Variants in USH1C observed in about 807,000 individuals in gnomAD.
USH1C encodes USH1 protein network component harmonin, also known as harmonin.
In USH1C, 90 loss-of-function variants were observed where a neutral mutation model predicts 119.3. The ratio of observed to expected loss-of-function variants is 0.75; its 90% CI spans 0.64 to 0.90. The LOEUF (loss-of-function observed/expected upper bound fraction) is 0.90, where lower values mean the gene tolerates loss of function less well. Among genes scored for constraint, USH1C ranks in the 40% least tolerant of loss-of-function variants. The probability of loss-of-function intolerance (pLI) is 0.00; values close to 1 mark genes in which losing one functional copy is unlikely to be tolerated. For synonymous variants in USH1C, 465 were observed against 443.3 expected (o/e 1.05, Z -0.62); for missense variants, 1,165 against 1,167.7 (o/e 1.00, Z 0.03).
chr11:17,530,786 C>A (rs1321470320), intron 4 of USH1C, among the ~76,000 whole-genome samples: 1 of 152,202 alleles, frequency 6.6e-6, no homozygotes, highest in African/African-American at 2.4e-5. Context: ...CATCACACTG[C>A]ACCAGGCTTT....
At chr11:17,494,552 A>G (rs1457959755) in intron 26 of USH1C, 176 bp from the exon 27 acceptor site, 1 of 689,084 alleles carries the variant, frequency 1.5e-6, no homozygotes, top group Non-Finnish European at 2.6e-6. Flanking sequence ...CCACAGCCAC[A>G]GCACACAGGA....
At chr11:17,521,062 A>G in intron 13 of USH1C, 68 bp from the exon 14 acceptor site, 1 of 1,603,234 alleles carries the variant, frequency 6.2e-7, no homozygotes, top group Non-Finnish European at 8.5e-7. Flanking sequence ...TGCATATCGG[A>G]GAGCCCCAGC....
At chr11:17,501,028 G>A (rs1489821666) in intron 23 of USH1C, 23 bp downstream of exon 23, 11 of 1,600,100 alleles carry the variant, frequency 6.9e-6, no homozygotes, top group Non-Finnish European at 9.4e-6. Flanking sequence ...CCCCAAACCT[G>A]GGTGTGGCTA....
At chr11:17,512,168 C>G in intron 15 of USH1C, 114 bp from the exon 16 acceptor site, 1 of 1,195,368 alleles carries the variant, frequency 8.4e-7, no homozygotes, top group African/African-American at 1.5e-5. Context: ...AGCCCCTCCC[C>G]CAGCTCTCTC....
rs1309991987 is a variant in USH1C at position 17,501,110 on chromosome 11, G to A, written c.2321C>T (p.Ser774Phe). 13 of 1,613,954 alleles carry A rather than the reference G, an allele frequency of 8.1e-6. No individual in the cohort carries two copies. The Admixed American group carries it at 1.0e-4, about 12-fold the overall frequency. The change falls in exon 23 of 27, where the codon TCC (serine) becomes TTC (phenylalanine). Residue 774 changes from serine to phenylalanine, a missense_variant. Transcript: ENST00000005226. ...AGAAACGACCACCTTCCCAATGGGG[G>A]AGTCCACACCGCCTTCCAGGGCCAG... ...LDLALEGGVD[S>F]PIGKVVVSAV...
chr11:17,504,771 T>C (rs1849585212), intron 19 of USH1C, 74 bp from the exon 20 acceptor site: 1 of 1,524,168 alleles, frequency 6.6e-7, no homozygotes, highest in African/African-American at 1.4e-5. Context: ...GGTGCCAGGC[T>C]TCGGGCCTGC....
intron 14 of USH1C, among the ~76,000 whole-genome samples, 163 bp downstream of exon 14, chr11:17,520,707 C>T (rs768796056): frequency 2.0e-5 from 3 of 152,152 alleles, no homozygotes; most frequent in Non-Finnish European, 4.4e-5. Flanking sequence ...CCTCCTACCT[C>T]GATGCTGGGG....
Position 17,531,103 on chromosome 11 carries a change from GC to G in USH1C, c.387+50del. ...AGCCTAGTGGATGAATGAGGGGGAGGCAGGAGGTCCGAGGCCCTCGCTCCCC... is the reference window on the plus strand; with the variant it reads ...AGCCTAGTGGATGAATGAGGGGGAGGAGGAGGTCCGAGGCCCTCGCTCCCC... On this transcript the variant is annotated intron_variant, in intron 4 of 26. Transcript: ENST00000005226. The surrounding 1 kb of genome is among the most constrained non-coding windows in gnomAD (Gnocchi z 4.2). The G allele has an allele frequency of 1.2e-6, 2 of 1,612,016 alleles. No homozygotes were observed. Among genetic ancestry groups the G allele is most frequent in the Non-Finnish European group, 1.7e-6 (2 of 1,179,440 alleles).
intron 14 of USH1C, chr11:17,516,571 C>T: frequency 2.1e-6 from 1 of 481,242 alleles, no homozygotes; most frequent in Non-Finnish European, 3.8e-6. Context: ...AAGTCAGGGC[C>T]AGAACATCAA....
chr11:17,524,853 A>G (rs993377864), intron 8 of USH1C, among the ~76,000 whole-genome samples: 1 of 151,922 alleles, frequency 6.6e-6, no homozygotes, highest in Non-Finnish European at 1.5e-5. Flanking sequence ...TTATTTTTTT[A>G]AATTTATTTT....
chr11:17,522,311 G>A (rs779931603), intron 12 of USH1C, among the ~76,000 whole-genome samples: 10 of 152,162 alleles, frequency 6.6e-5, no homozygotes, highest in Non-Finnish European at 1.5e-4. Context: ...TTGCCTGGGG[G>A]TGATCCCAGC....
chr11:17,515,907 C>T (rs987618820), intron 15 of USH1C, among the ~76,000 whole-genome samples: 3 of 152,250 alleles, frequency 2.0e-5, no homozygotes, highest in Non-Finnish European at 2.9e-5. Context: ...TGACCCCAAG[C>T]TTCTGGCCTT....
intron 14 of USH1C, chr11:17,516,771 A>G (rs1265870797): frequency 3.7e-6 from 1 of 267,288 alleles, no homozygotes; most frequent in African/African-American, 2.2e-5. Context: ...GGCTTGTCTC[A>G]TAGTGCAGGT....
chr11:17,543,192 C>T (rs1851544218), intron 1 of USH1C, among the ~76,000 whole-genome samples: 1 of 152,240 alleles, frequency 6.6e-6, no homozygotes, highest in Non-Finnish European at 1.5e-5. Flanking sequence ...CACTGGCTAG[C>T]TCCTTGGGCT....
intron 12 of USH1C, among the ~76,000 whole-genome samples, chr11:17,522,564 T>C (rs1041741827): frequency 1.3e-5 from 2 of 152,230 alleles, no homozygotes; most frequent in African/African-American, 4.8e-5. Flanking sequence ...CTTGGAATGT[T>C]GGAAGACAGG....
At position 17,531,109 on chromosome 11, in the gene USH1C, G is replaced by C; in HGVS notation, c.387+45C>G. The stretch of plus-strand genomic sequence containing the variant: ...GTGGATGAATGAGGGGGAGGCAGGA[G>C]GTCCGAGGCCCTCGCTCCCCCTCCC... On this transcript the variant is annotated intron_variant, in intron 4 of 26. Transcript: ENST00000005226. This position sits in a 1 kb window ranked among gnomAD's most constrained non-coding sequence, Gnocchi z 4.2. 1 of 1,612,680 alleles carries C rather than the reference G, an allele frequency of 6.2e-7. No homozygotes were observed. Among genetic ancestry groups the C allele is most frequent in the Non-Finnish European group, 8.5e-7 (1 of 1,179,638 alleles).
intron 24 of USH1C, among the ~76,000 whole-genome samples, chr11:17,497,254 A>C (rs1050593424): frequency 6.6e-6 from 1 of 152,090 alleles, no homozygotes; most frequent in Non-Finnish European, 1.5e-5. Context: ...TTTTGATCCT[A>C]ACACCTGAAT....
At chr11:17,540,527 A>G (rs1359198685) in intron 1 of USH1C, among the ~76,000 whole-genome samples, 1 of 152,126 alleles carries the variant, frequency 6.6e-6, no homozygotes, top group African/African-American at 2.4e-5. Flanking sequence ...GCTTATCTCC[A>G]GGCCAGACCT....
chr11:17,529,680 G>A (rs758260357), intron 4 of USH1C, among the ~76,000 whole-genome samples: 6 of 152,292 alleles, frequency 3.9e-5, no homozygotes, highest in South Asian at 2.1e-4. Context: ...TTTCCTCCCC[G>A]TCTCGCCCTG....
Sources: allele counts gnomAD v4.1 joint callset (sites outside exome capture counted in the v4.1 genomes callset), GRCh38; gene constraint gnomAD v4.1.1; non-coding constraint Gnocchi (gnomAD v3.1); transcripts MANE v1.5; gene names NCBI Gene and HGNC (gene_info 2026-07-23, HGNC 2026-07-21).